PRUNE2: variants seen among roughly 807,000 people sequenced by gnomAD.
PRUNE2 encodes the protein protein prune homolog 2.
PRUNE2 carries 164 observed loss-of-function variants against 252.0 expected under a neutral mutation model. The ratio of observed to expected loss-of-function variants is 0.65; its 90% confidence interval spans 0.57 to 0.74. The LOEUF (loss-of-function observed/expected upper bound fraction) is 0.74. Among genes scored for constraint, PRUNE2 ranks in the 30% least tolerant of loss-of-function variants. PRUNE2 has a pLI of 0.00. For missense variants in PRUNE2, 3,495 were observed against 3,711.0 expected (o/e 0.94, Z 1.51); for synonymous variants, 1,292 against 1,350.2 (o/e 0.96, Z 0.94).
chr9:76,823,571 A>G (rs756912953), intron 6 of PRUNE2, 61 bp downstream of exon 6: 2 of 931,628 alleles, frequency 2.1e-6, no homozygotes, highest in Admixed American at 3.4e-5. Flanking sequence ...GTTACATTCC[A>G]GTTGCTCAGA....
intron 6 of PRUNE2, among the ~76,000 whole-genome samples, chr9:76,767,396 A>G (rs879408260): frequency 2.4e-4 from 36 of 152,080 alleles, no homozygotes; most frequent in Non-Finnish European, 4.1e-4. Flanking sequence ...GGTTGCAGTG[A>G]GACAAGATTG....
At chr9:76,633,502 G>T (rs1838633071) in intron 15 of PRUNE2, among the ~76,000 whole-genome samples, 2 of 150,930 alleles carry the variant, frequency 1.3e-5, no homozygotes, top group African/African-American at 4.9e-5. Flanking sequence ...AATCACTTGA[G>T]CATGGGAAGG....
chr9:76,712,036 T>C (rs1458659710), intron 7 of PRUNE2, among the ~76,000 whole-genome samples: 1 of 152,148 alleles, frequency 6.6e-6, no homozygotes, highest in Non-Finnish European at 1.5e-5. Flanking sequence ...GAGTATTTTG[T>C]TGTGCTGGGC....
intron 4 of PRUNE2, among the ~76,000 whole-genome samples, chr9:76,836,366 C>A (rs1232417268): frequency 6.8e-6 from 1 of 147,206 alleles, no homozygotes; most frequent in Non-Finnish European, 1.5e-5. Flanking sequence ...ACAAAAAAAT[C>A]TTAGAATCAG....
At chr9:76,716,832 C>T (rs1199141483) in intron 6 of PRUNE2, among the ~76,000 whole-genome samples, 1 of 151,808 alleles carries the variant, frequency 6.6e-6, no homozygotes, top group Non-Finnish European at 1.5e-5. Flanking sequence ...CCCAACAGGC[C>T]CCAGTGTGTG....
At chr9:76,730,147 T>C (rs913009089) in intron 6 of PRUNE2, among the ~76,000 whole-genome samples, 12 of 152,350 alleles carry the variant, frequency 7.9e-5, no homozygotes, top group Admixed American at 5.2e-4. Flanking sequence ...TTGGCAAACA[T>C]TAAATGCAGC....
intron 9 of PRUNE2, among the ~76,000 whole-genome samples, chr9:76,698,326 C>T (rs189727471): frequency 3.9e-5 from 6 of 152,232 alleles, no homozygotes; most frequent in South Asian, 2.1e-4. Context: ...AGATTACAGG[C>T]GTGAGCCACC....
chr9:76,709,414 G>C lies in PRUNE2; in HGVS notation c.2860C>G (p.Leu954Val). The C allele has an allele frequency of 6.2e-7, 1 of 1,613,982 alleles. No individual in the cohort carries two copies. The highest frequency in any genetic ancestry group is 8.5e-7 in the Non-Finnish European group (1 of 1,179,862). The change falls in exon 8 of 19, where the codon CTA (leucine) becomes GTA (valine). Residue 954 changes from leucine to valine, a missense_variant. Leu to Val is a conservative substitution (Grantham distance 32). Coordinates refer to ENST00000376718, the MANE Select transcript of PRUNE2 (RefSeq NM_015225.3). ...YKCSDYSASN[L>V]GEDSVPSPLD... is the part of the protein sequence containing the mutation. Reference sequence around the variant, plus strand: ...GGGGAAGGCACCGAATCTTCTCCTAGGTTGGATGCACTGTAATCAGAACAT... The same window carrying C: ...GGGGAAGGCACCGAATCTTCTCCTACGTTGGATGCACTGTAATCAGAACAT...
chr9:76,730,235 T>C (rs546241772), intron 6 of PRUNE2, among the ~76,000 whole-genome samples: 2 of 152,312 alleles, frequency 1.3e-5, no homozygotes, highest in East Asian at 1.9e-4. Context: ...TATCGATGAG[T>C]ATACGTTACA....
intron 6 of PRUNE2, among the ~76,000 whole-genome samples, chr9:76,794,603 G>T (rs963812563): frequency 1.8e-4 from 25 of 135,950 alleles, no homozygotes; most frequent in African/African-American, 7.3e-4. Flanking sequence ...GACAAAGAGA[G>T]ACTCTGTCTC....
chr9:76,650,218 A>T (rs1349855507), intron 11 of PRUNE2, among the ~76,000 whole-genome samples: 1 of 151,020 alleles, frequency 6.6e-6, no homozygotes, highest in Non-Finnish European at 1.5e-5. Context: ...AATGAATTAT[A>T]TAATATAATG....
At chr9:76,625,702 G>A (rs1448934181) in intron 16 of PRUNE2, among the ~76,000 whole-genome samples, 5 of 152,182 alleles carry the variant, frequency 3.3e-5, no homozygotes, top group Admixed American at 6.5e-5. Flanking sequence ...GTGGACATGT[G>A]CAGAGTGGAG....
rs1256707530 is a variant in PRUNE2 at position 76,704,092 on chromosome 9, G to C, written c.7521C>G (p.Ser2507Arg). 6.3e-7 allele frequency: 1 copy of C among 1,583,186 alleles called. No individual in the cohort carries two copies. Among genetic ancestry groups the C allele is most frequent in the East Asian group, 2.2e-5 (1 of 44,678 alleles). The change falls in exon 9 of 19, where the codon AGC (serine) becomes AGG (arginine). Residue 2507 changes from serine (S) to arginine (R), a missense_variant. Coordinates refer to ENST00000376718, the MANE Select transcript of PRUNE2 (RefSeq NM_015225.3). ...CTTCTTCCAATTCTGATATTTCCTT[G>C]CTGGCACCTAGAAGTGGAAGTTGAA... ...GGDIGPPNGA[S>R]KEISELEEEK...
At chr9:76,778,453 T>C (rs1343557650) in intron 6 of PRUNE2, 1 of 152,184 alleles carries the variant, frequency 6.6e-6, no homozygotes, top group Non-Finnish European at 1.5e-5. Context: ...GAAGTGGACT[T>C]TCAAACTGGG....
chr9:76,803,637 C>A (rs1278620130), intron 6 of PRUNE2, among the ~76,000 whole-genome samples: 1 of 152,164 alleles, frequency 6.6e-6, no homozygotes, highest in African/African-American at 2.4e-5. Flanking sequence ...CCCAGCTAGG[C>A]TGGCTGCTGG....
chr9:76,649,877 C>A (rs2133186911), intron 11 of PRUNE2, among the ~76,000 whole-genome samples: 1 of 151,912 alleles, frequency 6.6e-6, no homozygotes, highest in East Asian at 1.9e-4. Context: ...TGGTCATCAG[C>A]TACTGAATAA....
At chr9:76,785,267 T>C (rs2054858444) in intron 6 of PRUNE2, 1 of 152,212 alleles carries the variant, frequency 6.6e-6, no homozygotes, top group South Asian at 2.1e-4. Context: ...AAGTTGACTA[T>C]CTTACTTCAT....
chr9:76,843,664 T>G (rs964445229), intron 4 of PRUNE2, among the ~76,000 whole-genome samples: 5 of 151,698 alleles, frequency 3.3e-5, no homozygotes, highest in African/African-American at 1.2e-4. Flanking sequence ...ACTACATAAC[T>G]GGAAAACCAT....
intron 9 of PRUNE2, among the ~76,000 whole-genome samples, chr9:76,665,773 C>A (rs1426365836): frequency 1.3e-5 from 2 of 152,138 alleles, no homozygotes; most frequent in Admixed American, 1.3e-4. Context: ...GTGGCTCACA[C>A]CTGTAATCCC....
Sources: allele counts gnomAD v4.1 joint callset (sites outside exome capture counted in the v4.1 genomes callset), GRCh38; gene constraint gnomAD v4.1.1; transcripts MANE v1.5; gene names NCBI Gene and HGNC (gene_info 2026-07-23, HGNC 2026-07-21).